AFF3: variants seen among roughly 807,000 people sequenced by gnomAD.
AFF3 encodes the protein AF4/FMR2 family member 3.
AFF3 carries 32 observed loss-of-function variants against 129.7 expected under a neutral mutation model. The ratio of observed to expected loss-of-function variants is 0.25; its 90% CI spans 0.19 to 0.33. The LOEUF (loss-of-function observed/expected upper bound fraction) is 0.33. Ranked by LOEUF, AFF3 falls within the 10% of genes least tolerant of loss-of-function variation. AFF3 has a pLI of 1.00. For synonymous variants in AFF3, 644 were observed against 635.4 expected, an observed-to-expected ratio of 1.01 and a Z score of -0.20; for missense variants, 1,373 against 1,592.0, an observed-to-expected ratio of 0.86 and a Z score of 2.34.
intron 8 of AFF3, among the ~76,000 whole-genome samples, chr2:99,794,653 T>C (rs979777118): frequency 1.3e-5 from 2 of 152,186 alleles, no homozygotes; most frequent in African/African-American, 2.4e-5. Context: ...ATCTCCACTT[T>C]AGTATTCTGT....
intron 11 of AFF3, among the ~76,000 whole-genome samples, chr2:99,720,050 TAAAC>T (rs914125512): frequency 3.4e-4 from 51 of 152,234 alleles, no homozygotes; most frequent in Middle Eastern, 3.4e-3. Context: ...AATAAATAAA[TAAAC>T]AAACAAACAA....
intron 2 of AFF3, among the ~76,000 whole-genome samples, chr2:100,127,037 G>A (rs1253050607): frequency 6.6e-6 from 1 of 152,138 alleles, no homozygotes; most frequent in African/African-American, 2.4e-5. Flanking sequence ...GTTGCGGGTG[G>A]TGGCACCATT....
intron 11 of AFF3, among the ~76,000 whole-genome samples, chr2:99,677,000 G>A (rs1673999453): frequency 1.3e-5 from 2 of 152,144 alleles, no homozygotes; most frequent in African/African-American, 2.4e-5. Flanking sequence ...TGCACGCGGT[G>A]GCTTGTTCCT....
chr2:100,135,461 A>G (rs1163211953), intron 1 of AFF3, among the ~76,000 whole-genome samples: 1 of 152,164 alleles, frequency 6.6e-6, no homozygotes, highest in Non-Finnish European at 1.5e-5. Context: ...GCAACCACCA[A>G]AACATGGCCA....
intron 7 of AFF3, among the ~76,000 whole-genome samples, chr2:99,915,743 T>G (rs1418328475): frequency 6.6e-6 from 1 of 152,206 alleles, no homozygotes; most frequent in Non-Finnish European, 1.5e-5. Flanking sequence ...TGAAATGAAT[T>G]TGCTATTTCT....
At chr2:99,665,560 G>T (rs1686600062) in intron 12 of AFF3, among the ~76,000 whole-genome samples, 1 of 152,228 alleles carries the variant, frequency 6.6e-6, no homozygotes. Flanking sequence ...AAGTCCAGTT[G>T]GGCACAGACT....
At chr2:99,766,845 G>A (rs1428951359) in intron 8 of AFF3, among the ~76,000 whole-genome samples, 1 of 152,194 alleles carries the variant, frequency 6.6e-6, no homozygotes, top group Non-Finnish European at 1.5e-5. Flanking sequence ...GAAGGTGAGA[G>A]CCTGAACTCA....
intron 12 of AFF3, among the ~76,000 whole-genome samples, chr2:99,663,054 T>C (rs571474520): frequency 6.6e-6 from 1 of 152,372 alleles, no homozygotes; most frequent in East Asian, 1.9e-4. Context: ...AAACCTCCTA[T>C]GTTTTTATTC....
At chr2:99,931,147 T>A (rs980666640) in intron 7 of AFF3, among the ~76,000 whole-genome samples, 6 of 152,194 alleles carry the variant, frequency 3.9e-5, no homozygotes, top group Non-Finnish European at 7.3e-5. Flanking sequence ...AGCAAAATGA[T>A]GAAATAAATG....
chr2:99,922,835 C>A (rs148522444), intron 7 of AFF3, among the ~76,000 whole-genome samples: 2 of 152,152 alleles, frequency 1.3e-5, no homozygotes, highest in Non-Finnish European at 2.9e-5. Flanking sequence ...ATAAACCTCA[C>A]GGTTCCAGGC....
chr2:100,001,491 T>C (rs960421518), intron 7 of AFF3, among the ~76,000 whole-genome samples: 5 of 152,262 alleles, frequency 3.3e-5, no homozygotes, highest in Non-Finnish European at 5.9e-5. Flanking sequence ...TGCAGTGGCA[T>C]GATCTCGTCT....
chr2:99,805,666 C>A (rs151122095), intron 8 of AFF3, among the ~76,000 whole-genome samples: 1 of 152,168 alleles, frequency 6.6e-6, no homozygotes, highest in Admixed American at 6.5e-5. Context: ...TTCAGACCTG[C>A]CTGTAACACT....
At chr2:100,004,369 A>G (rs1158384978) in intron 7 of AFF3, among the ~76,000 whole-genome samples, 1 of 152,234 alleles carries the variant, frequency 6.6e-6, no homozygotes. Flanking sequence ...CCTCTTTCAA[A>G]AAATAAAAAT....
Position 99,550,407 on chromosome 2 carries a change from T to C in AFF3, c.*1067A>G, listed in dbSNP as rs1674326349. ...TGCATGAGGAGTGAGAGAATCAGCA[T>C]TATCATGGCAAATAGCTCTCAGCCT... On this transcript the variant is annotated 3_prime_UTR_variant, in exon 25 of 25. Coordinates refer to ENST00000672756, the MANE Select transcript of AFF3 (RefSeq NM_001386135.1). 4.3e-6 allele frequency: 1 copy of C among 230,564 alleles called. No homozygotes were observed. Among genetic ancestry groups the C allele is most frequent in the Non-Finnish European group, 8.6e-6 (1 of 116,382 alleles). The allele number at this position is 230,564 out of a possible 1,614,324, so 14.3% of individuals were successfully genotyped here.
chr2:99,881,526 C>T (rs1441882486), intron 7 of AFF3, among the ~76,000 whole-genome samples: 1 of 151,340 alleles, frequency 6.6e-6, no homozygotes, highest in African/African-American at 2.4e-5. Flanking sequence ...TAAGTTCATG[C>T]AATTCATATT....
In AFF3 at chr2:99,965,662, G is replaced by A. The variant is rs543233424; in HGVS notation, c.873+40970C>T. On this transcript the variant is annotated intron_variant, in intron 7 of 24. Transcript: ENST00000672756. ...GACATTCTGGTTTCACATGTTTGTC[G>A]TATTAGTTTAGTTTATGTGAATCCA... 2.8e-4 allele frequency among the ~76,000 whole-genome samples: 42 copies of A among 152,188 alleles called. No homozygotes were observed. In the South Asian group the frequency reaches 5.4e-3, roughly 20 times the overall value.
chr2:100,008,139 C>T (rs998894184), intron 5 of AFF3, among the ~76,000 whole-genome samples: 2 of 152,150 alleles, frequency 1.3e-5, no homozygotes, highest in Admixed American at 1.3e-4. Context: ...CCGTTAGAAG[C>T]TTTACTTGAA....
chr2:100,095,211 T>C (rs1690189975), intron 4 of AFF3, among the ~76,000 whole-genome samples: 1 of 151,620 alleles, frequency 6.6e-6, no homozygotes, highest in Non-Finnish European at 1.5e-5. Flanking sequence ...AGAAACTGTA[T>C]TAATTTGATG....
chr2:100,062,132 G>A (rs566320868), intron 4 of AFF3, among the ~76,000 whole-genome samples: 2 of 152,306 alleles, frequency 1.3e-5, no homozygotes, highest in East Asian at 3.9e-4. Context: ...ATTTCTTCCA[G>A]GGGGTCAGAT....
Sources: gnomAD v4.1 joint callset for allele counts (sites outside exome capture counted in the v4.1 genomes callset) on GRCh38, gnomAD v4.1.1 for gene constraint, MANE v1.5 for transcripts, NCBI Gene and HGNC (gene_info 2026-07-23, HGNC 2026-07-21) for gene names.